PAG1: variants seen among roughly 807,000 people sequenced by gnomAD.
PAG1 encodes phosphoprotein associated with glycosphingolipid-enriched microdomains 1.
PAG1 carries 23 observed loss-of-function variants against 31.7 expected under a neutral mutation model. The observed-to-expected ratio is 0.73, with a 90% CI of 0.52 to 1.03. PAG1 has a LOEUF of 1.03. Ranked by LOEUF, PAG1 falls within the 50% of genes least tolerant of loss-of-function variation. PAG1 has a pLI of 0.00. For synonymous variants in PAG1, 214 were observed against 210.3 expected (o/e 1.02, Z -0.15); for missense variants, 473 against 540.7 (o/e 0.87, Z 1.24).
At chr8:81,029,494 A>G (rs1316497291) in intron 3 of PAG1, among the ~76,000 whole-genome samples, 1 of 152,170 alleles carries the variant, frequency 6.6e-6, no homozygotes, top group Non-Finnish European at 1.5e-5. Flanking sequence ...CTTAGCAGGT[A>G]TTTTCATAGA....
intron 1 of PAG1, among the ~76,000 whole-genome samples, chr8:81,104,280 G>C (rs938369131): frequency 1.3e-5 from 2 of 152,028 alleles, no homozygotes; most frequent in South Asian, 2.1e-4. Context: ...ATTCTGCTTT[G>C]CCTCTGGCTT....
At chr8:81,001,726 C>T (rs142633085) in intron 3 of PAG1, among the ~76,000 whole-genome samples, 5 of 152,260 alleles carry the variant, frequency 3.3e-5, no homozygotes, top group East Asian at 1.9e-4. Flanking sequence ...GTTATTGAAT[C>T]GATTCTATGG....
chr8:81,012,701 T>A (rs762807327), intron 3 of PAG1, among the ~76,000 whole-genome samples: 2 of 152,254 alleles, frequency 1.3e-5, no homozygotes, highest in African/African-American at 2.4e-5. Context: ...AGATACCAGC[T>A]GTCCATTTGA....
chr8:81,010,479 A>AT (rs1807962640), intron 3 of PAG1, among the ~76,000 whole-genome samples: 1 of 152,238 alleles, frequency 6.6e-6, no homozygotes, highest in Non-Finnish European at 1.5e-5. Context: ...TTCAAATATA[A>AT]AAATTTCAAC....
rs2130296006 is a variant in PAG1 at position 80,973,555 on chromosome 8, C to T, written c.*2989G>A. 1 of 152,232 alleles carries T rather than the reference C, an allele frequency of 6.6e-6. No homozygotes were observed. The highest frequency in any genetic ancestry group is 2.4e-5 in the African/African-American group (1 of 41,528). 9.4% of individuals were successfully genotyped at this position (152,232 alleles called of 1,614,324 possible). On this transcript the variant is annotated 3_prime_UTR_variant, in exon 9 of 9. Transcript: ENST00000220597. ...CTTACTTACAAGATAAAAAAATTTC[C>T]TAAAATTTATTTTTAAATTTCACAT... is the stretch of plus-strand genomic sequence containing the variant.
intron 3 of PAG1, among the ~76,000 whole-genome samples, chr8:81,026,480 C>T (rs953393659): frequency 2.7e-5 from 4 of 150,258 alleles, no homozygotes; most frequent in East Asian, 1.9e-4. Context: ...GGCCCTTGCA[C>T]GCCTTGCTTT....
intron 7 of PAG1, among the ~76,000 whole-genome samples, chr8:80,982,129 G>T (rs1258996583): frequency 6.6e-6 from 1 of 152,126 alleles, no homozygotes; most frequent in African/African-American, 2.4e-5. Flanking sequence ...GCCTCCCAAA[G>T]TGTTACGATT....
intron 3 of PAG1, among the ~76,000 whole-genome samples, chr8:81,004,310 A>T (rs746260116): frequency 2.0e-5 from 3 of 152,230 alleles, no homozygotes; most frequent in Non-Finnish European, 4.4e-5. Context: ...AGGAGGTTCC[A>T]TATGTGATAA....
chr8:80,984,302 T>A lies in PAG1; in HGVS notation c.876+474A>T, dbSNP rs76250659. Among the ~76,000 whole-genome samples the A allele has an allele frequency of 6.4e-3, 976 of 152,210 alleles. 11 individuals carry two copies. The highest frequency in any genetic ancestry group is 0.022 in the African/African-American group (928 of 41,518). ...TCACAAAATAAGATCTCCTACTGAT[T>A]TATATGAAGGTTTGTACAATCAGAT... is the stretch of plus-strand genomic sequence containing the variant. On this transcript the variant is annotated intron_variant, in intron 7 of 8. Coordinates refer to ENST00000220597, the MANE Select transcript of PAG1 (RefSeq NM_018440.4).
intron 3 of PAG1, among the ~76,000 whole-genome samples, chr8:81,025,891 AC>A (rs1808268588): frequency 6.6e-6 from 1 of 152,086 alleles, no homozygotes; most frequent in Non-Finnish European, 1.5e-5. Context: ...TGGTGTGTGT[AC>A]CTCTGTGGGG....
chr8:81,069,684 G>C (rs1308203245), intron 2 of PAG1, among the ~76,000 whole-genome samples: 2 of 152,118 alleles, frequency 1.3e-5, no homozygotes, highest in Non-Finnish European at 2.9e-5. Context: ...TATATTTTTG[G>C]TGGTGGTGGC....
At chr8:81,031,873 T>G (rs1256334346) in intron 2 of PAG1, among the ~76,000 whole-genome samples, 1 of 152,236 alleles carries the variant, frequency 6.6e-6, no homozygotes, top group African/African-American at 2.4e-5. Flanking sequence ...AGATCAATAC[T>G]TTAGCATCCA....
At chr8:81,087,956 T>C (rs1483534053) in intron 1 of PAG1, among the ~76,000 whole-genome samples, 1 of 152,148 alleles carries the variant, frequency 6.6e-6, no homozygotes, top group Non-Finnish European at 1.5e-5. Context: ...CAAAGATCAG[T>C]GGGGGGAAAA....
chr8:81,031,710 T>G (rs1423416242), intron 2 of PAG1, among the ~76,000 whole-genome samples: 1 of 152,256 alleles, frequency 6.6e-6, no homozygotes, highest in South Asian at 2.1e-4. Flanking sequence ...AGATCCTGAC[T>G]TGAAAACTGG....
intron 2 of PAG1, among the ~76,000 whole-genome samples, chr8:81,045,565 G>T (rs1435881062): frequency 6.6e-6 from 1 of 152,166 alleles, no homozygotes; most frequent in Non-Finnish European, 1.5e-5. Context: ...CAGCCTAGGG[G>T]TGAGGGGTTT....
rs1337550134 is a variant in PAG1 at position 80,993,282 on chromosome 8, G to A, written c.-55C>T. ...GGAATCAGTCAGTCCTTCAAAGGTG[G>A]TGACATGGAGGCAGAGAGCTGTGTC... On this transcript the variant is annotated 5_prime_UTR_variant, in exon 4 of 9. Transcript: ENST00000220597. 6.5e-7 allele frequency: 1 copy of A among 1,548,328 alleles called. No homozygotes were observed. Among genetic ancestry groups the A allele is most frequent in the Non-Finnish European group, 8.7e-7 (1 of 1,146,674 alleles).
rs1012616654 is a variant in PAG1, at chr8:80,968,987, G to A, written c.*7557C>T. 3.0e-4 allele frequency: 45 copies of A among 152,116 alleles called. 1 individual carries two copies. Among genetic ancestry groups the A allele is most frequent in the African/African-American group, 1.0e-3 (43 of 41,416 alleles). The allele number at this position is 152,116 out of a possible 1,614,324, so 9.4% of individuals were successfully genotyped here. A position where few individuals can be genotyped will look rare whatever the true frequency, so the allele number is the denominator to read the frequency against. On this transcript the variant is annotated 3_prime_UTR_variant, in exon 9 of 9. Coordinates refer to ENST00000220597, the MANE Select transcript of PAG1 (RefSeq NM_018440.4). Reference sequence around the variant, plus strand: ...AGAGTCAACTATACGGTTGATACTCGAAGCAAATAAAAAGATAATTTTTAA... The same window carrying A: ...AGAGTCAACTATACGGTTGATACTCAAAGCAAATAAAAAGATAATTTTTAA...
chr8:81,059,018 G>GT (rs1449004630), intron 2 of PAG1, among the ~76,000 whole-genome samples: 1 of 151,852 alleles, frequency 6.6e-6, no homozygotes. Flanking sequence ...TTGTTCCTTG[G>GT]TATCTGGGGG....
intron 2 of PAG1, among the ~76,000 whole-genome samples, chr8:81,038,030 C>G (rs375176507): frequency 1.8e-4 from 28 of 152,294 alleles, no homozygotes; most frequent in Non-Finnish European, 3.5e-4. Context: ...TCTCACAAAG[C>G]CTCAGGTCTG....
Sources: allele counts gnomAD v4.1 joint callset (sites outside exome capture counted in the v4.1 genomes callset), GRCh38; gene constraint gnomAD v4.1.1; transcripts MANE v1.5; gene names NCBI Gene and HGNC (gene_info 2026-07-23, HGNC 2026-07-21).